Variants in NCKAP5 observed in about 807,000 individuals in gnomAD.
NCKAP5 encodes the protein nck-associated protein 5.
In NCKAP5, 92 loss-of-function variants were observed where a neutral mutation model predicts 167.0. The ratio of observed to expected loss-of-function variants is 0.55; its 90% confidence interval spans 0.47 to 0.66. The LOEUF (loss-of-function observed/expected upper bound fraction) is 0.66. NCKAP5 is among the 30% of genes least tolerant of loss of function. The pLI, the probability that NCKAP5 is intolerant of heterozygous loss-of-function variation, is 0.00. For synonymous variants in NCKAP5, 891 were observed against 877.4 expected (o/e 1.02, Z -0.27); for missense variants, 2,378 against 2,315.0 (o/e 1.03, Z -0.56).
At chr2:132,818,543 C>G (rs1001483425) in intron 11 of NCKAP5, among the ~76,000 whole-genome samples, 1 of 152,198 alleles carries the variant, frequency 6.6e-6, no homozygotes, top group Non-Finnish European at 1.5e-5. Flanking sequence ...CAAAAATTAG[C>G]TGGGCATGGT....
At position 133,480,209 on chromosome 2, in the gene NCKAP5, C is replaced by T. The variant is rs191284502; in HGVS notation, c.69+37249G>A. 7.2e-5 allele frequency among the ~76,000 whole-genome samples: 11 copies of T among 152,002 alleles called. No individual in the cohort carries two copies. The South Asian group carries it at 1.2e-3, about 17-fold the overall frequency. ...GGCCTCCCAAAGTGCTGGGATTACA[C>T]GTGTGAGCCACCACACCTGGCCTAG... On this transcript the variant is annotated intron_variant, in intron 3 of 19. Coordinates refer to ENST00000409261, the MANE Select transcript of NCKAP5 (RefSeq NM_207363.3).
intron 5 of NCKAP5, among the ~76,000 whole-genome samples, chr2:133,148,810 TGC>T (rs572782212): frequency 1.1e-4 from 16 of 152,118 alleles, no homozygotes; most frequent in Non-Finnish European, 1.9e-4. Context: ...ATGACCTAAC[TGC>T]CTCTTAAAGA....
chr2:132,964,217 TG>T (rs1353492384), intron 7 of NCKAP5, among the ~76,000 whole-genome samples: 1 of 152,238 alleles, frequency 6.6e-6, no homozygotes, highest in Non-Finnish European at 1.5e-5. Context: ...ACATCAATTT[TG>T]ATACCTTCAT....
chr2:133,283,713 C>T (rs1392485601), intron 4 of NCKAP5, among the ~76,000 whole-genome samples: 2 of 151,364 alleles, frequency 1.3e-5, no homozygotes, highest in African/African-American at 4.9e-5. Flanking sequence ...CAGGTTCAAG[C>T]GATTCTCCTG....
At chr2:132,830,087 A>G (rs1263066350) in intron 11 of NCKAP5, among the ~76,000 whole-genome samples, 1 of 152,196 alleles carries the variant, frequency 6.6e-6, no homozygotes, top group Non-Finnish European at 1.5e-5. Context: ...TCTGGGTCCC[A>G]TCTACCAACC....
chr2:133,334,181 C>G (rs1033966841), intron 3 of NCKAP5, among the ~76,000 whole-genome samples: 4 of 152,124 alleles, frequency 2.6e-5, no homozygotes, highest in Non-Finnish European at 5.9e-5. Context: ...TGACCTAGAC[C>G]AAGTCTCTCA....
At chr2:133,583,438 A>C in the NCKAP5 span, among the ~76,000 whole-genome samples, 2 of 150,488 alleles carry the variant, frequency 1.3e-5, no homozygotes, top group Non-Finnish European at 3.0e-5. Flanking sequence ...AAGCTTCCTG[A>C]GGCCTCTCCA....
intron 5 of NCKAP5, among the ~76,000 whole-genome samples, chr2:133,160,570 G>A (rs2083756329): frequency 6.6e-6 from 1 of 151,482 alleles, no homozygotes; most frequent in South Asian, 2.1e-4. Context: ...TAAATTTTGG[G>A]ATTTACAATC....
At chr2:132,901,842 T>C (rs1431175152) in intron 8 of NCKAP5, among the ~76,000 whole-genome samples, 2 of 152,222 alleles carry the variant, frequency 1.3e-5, no homozygotes, top group African/African-American at 4.8e-5. Flanking sequence ...CTGGTTCCAA[T>C]TTGCAAATGC....
chr2:133,487,865 C>A (rs543852754), intron 3 of NCKAP5, among the ~76,000 whole-genome samples: 1 of 152,280 alleles, frequency 6.6e-6, no homozygotes, highest in East Asian at 1.9e-4. Flanking sequence ...TTCATGGAGT[C>A]CCCTGTAGGT....
the NCKAP5 span, among the ~76,000 whole-genome samples, chr2:133,662,270 C>T: frequency 1.3e-5 from 2 of 152,042 alleles, no homozygotes; most frequent in African/African-American, 2.4e-5. Context: ...TCTGAAAAAG[C>T]AAATAGTGTA....
the NCKAP5 span, among the ~76,000 whole-genome samples, chr2:133,608,439 A>T: frequency 6.6e-6 from 1 of 152,284 alleles, no homozygotes; most frequent in East Asian, 1.9e-4. Context: ...ATCAAGGGCA[A>T]ATAGCTCACA....
the NCKAP5 span, among the ~76,000 whole-genome samples, chr2:133,598,020 T>C: frequency 6.6e-6 from 1 of 152,196 alleles, no homozygotes; most frequent in African/African-American, 2.4e-5. Context: ...CTCCAGGTAG[T>C]GTGACTAAGA....
rs760788017 is a variant in NCKAP5 at position 133,130,020 on chromosome 2, C to A, written c.299G>T (p.Arg100Leu). ...RLQEVTLESE[R>L]NRIQMRSLQQ... ...CAAGCTACGCATCTGAATTCTGTTG[C>A]GTTCAGACTCTAGGGTCACCTCCTG... is the stretch of plus-strand genomic sequence containing the variant. Residue 100 changes from arginine to leucine, a missense_variant, in exon 6 of 20, where the codon CGC (arginine) becomes CTC (leucine). Physicochemically the swap from Arg to Leu is moderately radical, Grantham distance 102. Transcript: ENST00000409261. The A allele has an allele frequency of 6.2e-7, 1 of 1,610,986 alleles. No individual in the cohort carries two copies. Among genetic ancestry groups the A allele is most frequent in the Non-Finnish European group, 8.5e-7 (1 of 1,178,862 alleles).
intron 19 of NCKAP5, among the ~76,000 whole-genome samples, chr2:132,709,547 A>G (rs956206332): frequency 1.3e-5 from 2 of 152,102 alleles, no homozygotes; most frequent in African/African-American, 4.8e-5. Flanking sequence ...AGCAAACCCA[A>G]TCAGGTGGTT....
intron 5 of NCKAP5, among the ~76,000 whole-genome samples, chr2:133,139,590 T>C (rs1301666484): frequency 1.3e-5 from 2 of 152,180 alleles, no homozygotes; most frequent in Admixed American, 1.3e-4. Flanking sequence ...TCTGAAATGA[T>C]TGGGAGTATC....
chr2:133,040,206 C>T (rs541900150), intron 6 of NCKAP5, among the ~76,000 whole-genome samples: 29 of 152,200 alleles, frequency 1.9e-4, no homozygotes, highest in African/African-American at 6.5e-4. Context: ...AATTTATCTG[C>T]TAATCTCCAG....
rs147047532 is a variant in NCKAP5 at position 133,558,610 on chromosome 2, C to T, written c.-62+440G>A. ...TCTACTTCAAATTAGCAGTTCTACA[C>T]ACACAGAAGACCACAGGATTTGACA... is the stretch of plus-strand genomic sequence containing the variant. On this transcript the variant is annotated intron_variant, in intron 2 of 19. Coordinates refer to ENST00000409261, the MANE Select transcript of NCKAP5 (RefSeq NM_207363.3). Among the ~76,000 whole-genome samples, 905 of 142,104 alleles carry T rather than the reference C, an allele frequency of 6.4e-3. 18 individuals carry two copies. Among genetic ancestry groups the T allele is most frequent in the African/African-American group, 0.023 (862 of 38,024 alleles). The allele number at this position is 142,104 out of a possible 152,430, so 93.2% of individuals were successfully genotyped here.
chr2:133,629,533 A>C, the NCKAP5 span, among the ~76,000 whole-genome samples: 1 of 152,182 alleles, frequency 6.6e-6, no homozygotes, highest in Admixed American at 6.5e-5. Context: ...TCTTGGTGGG[A>C]ATGTAAATTA....
Sources: allele counts gnomAD v4.1 joint callset (sites outside exome capture counted in the v4.1 genomes callset), GRCh38; gene constraint gnomAD v4.1.1; transcripts MANE v1.5; gene names NCBI Gene and HGNC (gene_info 2026-07-23, HGNC 2026-07-21).